ADCY1: variants seen among roughly 807,000 people sequenced by gnomAD.
ADCY1 encodes adenylate cyclase 1, also known as adenylate cyclase type 1.
A neutral mutation model predicts 105.4 loss-of-function variants in ADCY1; 28 were observed. The observed-to-expected ratio is 0.27, with a 90% confidence interval of 0.20 to 0.36. The LOEUF is 0.36. ADCY1 is among the 10% of genes least tolerant of loss of function. ADCY1 has a pLI of 1.00. For synonymous variants in ADCY1, 655 were observed against 623.8 expected (o/e 1.05, Z -0.75); for missense variants, 977 against 1,434.2 (o/e 0.68, Z 5.15).
intron 3 of ADCY1, among the ~76,000 whole-genome samples, chr7:45,611,017 G>C (rs1372062879): frequency 6.6e-6 from 1 of 151,970 alleles, no homozygotes; most frequent in African/African-American, 2.4e-5. Context: ...TGGTGGAGGT[G>C]TGGAGGTGAT....
chr7:45,648,056 C>A (rs940123355), intron 4 of ADCY1, among the ~76,000 whole-genome samples: 6 of 152,244 alleles, frequency 3.9e-5, no homozygotes, highest in African/African-American at 1.4e-4. Flanking sequence ...TCTCCACCTT[C>A]CATGTGCCCT....
chr7:45,704,719 C>G lies in ADCY1; in HGVS notation c.2817+103C>G, dbSNP rs1785075366. The G allele has an allele frequency of 5.6e-6, 5 of 898,366 alleles. No homozygotes were observed. The East Asian group carries it at 1.2e-4, about 22-fold the overall frequency. The allele number at this position is 898,366 out of a possible 1,614,324, so 55.6% of individuals were successfully genotyped here. ...TTCCACACTGGGGTTTGTTTGCCCT[C>G]TGTGTTGGATTACAGGAGCAGCTTG... On this transcript the variant is annotated intron_variant, in intron 17 of 19. Coordinates refer to ENST00000297323, the MANE Select transcript of ADCY1 (RefSeq NM_021116.4).
intron 11 of ADCY1, among the ~76,000 whole-genome samples, chr7:45,682,376 A>G (rs1472672972): frequency 6.6e-6 from 1 of 152,158 alleles, no homozygotes; most frequent in Non-Finnish European, 1.5e-5. Context: ...TCAGGGTTGC[A>G]GGCTGAGGTT....
At chr7:45,661,017 G>T (rs950588508) in intron 7 of ADCY1, among the ~76,000 whole-genome samples, 2 of 151,786 alleles carry the variant, frequency 1.3e-5, no homozygotes, top group Admixed American at 1.3e-4. Context: ...CAGGGCTCAG[G>T]TGAGGGGTTC....
intron 1 of ADCY1, among the ~76,000 whole-genome samples, chr7:45,583,463 A>G (rs1792623173): frequency 6.6e-6 from 1 of 152,208 alleles, no homozygotes; most frequent in African/African-American, 2.4e-5. Flanking sequence ...TTTTGATTCT[A>G]AAAATACAGA....
chr7:45,718,773 G>C lies in ADCY1; in HGVS notation c.*4778G>C, dbSNP rs941857976. On this transcript the variant is annotated 3_prime_UTR_variant, in exon 20 of 20. Transcript: ENST00000297323. ...TGGGGGGAGGGGCTGGAGCCAAGGA[G>C]CCCCCCTGGGTGGGGGCATCAGGAG... 1 of 152,502 alleles carries C rather than the reference G, an allele frequency of 6.6e-6. No individual in the cohort carries two copies. Among genetic ancestry groups the C allele is most frequent in the East Asian group, 1.9e-4 (1 of 5,178 alleles). The allele number at this position is 152,502 out of a possible 1,614,324, so 9.4% of individuals were successfully genotyped here.
chr7:45,714,657 A>G lies in ADCY1; in HGVS notation c.*662A>G, dbSNP rs576967691. ...GGATAGTGGTGGCTGCTGGCTTTCA[A>G]GCGTGGTTTTTTGCTAAGAGCCAGA... On this transcript the variant is annotated 3_prime_UTR_variant, in exon 20 of 20. Coordinates refer to ENST00000297323, the MANE Select transcript of ADCY1 (RefSeq NM_021116.4). 1 of 152,698 alleles carries G rather than the reference A, an allele frequency of 6.5e-6. No homozygotes were observed. Among genetic ancestry groups the G allele is most frequent in the Non-Finnish European group, 1.5e-5 (1 of 68,106 alleles). 9.5% of individuals were successfully genotyped at this position (152,698 alleles called of 1,614,324 possible). A position where few individuals can be genotyped will look rare whatever the true frequency, so the allele number is the denominator to read the frequency against.
chr7:45,636,038 T>C (rs1173904646), intron 4 of ADCY1, among the ~76,000 whole-genome samples: 1 of 152,254 alleles, frequency 6.6e-6, no homozygotes, highest in Non-Finnish European at 1.5e-5. Flanking sequence ...TTATGTCTTC[T>C]TGATAAATTG....
intron 1 of ADCY1, among the ~76,000 whole-genome samples, chr7:45,592,419 C>G (rs1784786640): frequency 6.6e-6 from 1 of 152,208 alleles, no homozygotes; most frequent in Admixed American, 6.5e-5. Context: ...CCCCGATGGC[C>G]TCATTTTAAC....
At chr7:45,596,696 C>T (rs1304827036) in intron 2 of ADCY1, among the ~76,000 whole-genome samples, 3 of 152,240 alleles carry the variant, frequency 2.0e-5, no homozygotes, top group South Asian at 2.1e-4. Flanking sequence ...GGGCAGACTC[C>T]GAGCCTTACG....
At chr7:45,667,055 A>G (rs566655942) in intron 8 of ADCY1, among the ~76,000 whole-genome samples, 43 of 152,234 alleles carry the variant, frequency 2.8e-4, no homozygotes, top group African/African-American at 1.0e-3. Context: ...TAGATTGCAA[A>G]AATTTTCTCC....
intron 4 of ADCY1, among the ~76,000 whole-genome samples, chr7:45,640,997 A>G (rs1781716476): frequency 6.6e-6 from 1 of 152,182 alleles, no homozygotes; most frequent in Admixed American, 6.5e-5. Flanking sequence ...AATTGCCAAA[A>G]GATGACATTA....
intron 2 of ADCY1, among the ~76,000 whole-genome samples, chr7:45,600,536 G>C (rs963193673): frequency 6.6e-6 from 1 of 152,248 alleles, no homozygotes; most frequent in Admixed American, 6.5e-5. Context: ...GCTAGTAACT[G>C]ACCTGGAAAA....
intron 8 of ADCY1, chr7:45,664,644 ATT>A: frequency 1.6e-6 from 1 of 616,590 alleles, no homozygotes; most frequent in Non-Finnish European, 2.3e-6. Flanking sequence ...GTGTGTCTGT[ATT>A]TTTTTAATAA....
chr7:45,706,901 C>T (rs916752028), intron 17 of ADCY1, among the ~76,000 whole-genome samples: 8 of 152,186 alleles, frequency 5.3e-5, no homozygotes, highest in African/African-American at 1.7e-4. Context: ...GCAAACAATT[C>T]GAACAGGCAC....
At chr7:45,640,138 G>A (rs990110610) in intron 4 of ADCY1, among the ~76,000 whole-genome samples, 1 of 152,178 alleles carries the variant, frequency 6.6e-6, no homozygotes, top group Non-Finnish European at 1.5e-5. Context: ...AACATTCATG[G>A]CTTTATGGTG....
At chr7:45,610,030 G>T (rs1355549557) in intron 2 of ADCY1, among the ~76,000 whole-genome samples, 1 of 152,166 alleles carries the variant, frequency 6.6e-6, no homozygotes, top group Non-Finnish European at 1.5e-5. Flanking sequence ...CTCTTTCTGG[G>T]ATATTGTTGG....
chr7:45,674,729 A>G (rs1216164279), intron 8 of ADCY1, among the ~76,000 whole-genome samples: 1 of 152,112 alleles, frequency 6.6e-6, no homozygotes, highest in East Asian at 1.9e-4. Flanking sequence ...CTATTGTTTT[A>G]TGCATACACA....
At chr7:45,613,207 G>C (rs1015692958) in intron 3 of ADCY1, among the ~76,000 whole-genome samples, 6 of 152,156 alleles carry the variant, frequency 3.9e-5, no homozygotes, top group African/African-American at 1.2e-4. Context: ...AATAATGCAT[G>C]AACAAAGTGA....
Sources: gnomAD v4.1 joint callset for allele counts (sites outside exome capture counted in the v4.1 genomes callset) on GRCh38, gnomAD v4.1.1 for gene constraint, MANE v1.5 for transcripts, NCBI Gene and HGNC (gene_info 2026-07-23, HGNC 2026-07-21) for gene names.